ZFPM1: variants seen among roughly 807,000 people sequenced by gnomAD.
The protein encoded by ZFPM1 is zinc finger protein, FOG family member 1, also known as zinc finger protein ZFPM1.
Under a neutral mutation model 46.3 loss-of-function variants are expected in ZFPM1, and 28 were observed. The ratio of observed to expected loss-of-function variants is 0.60; its 90% CI spans 0.45 to 0.83. The LOEUF (loss-of-function observed/expected upper bound fraction) is 0.83. Ranked by LOEUF, ZFPM1 falls within the 40% of genes least tolerant of loss-of-function variation. The pLI is 0.00. For synonymous variants in ZFPM1, 957 were observed against 675.9 expected (o/e 1.42, Z -6.45); for missense variants, 1,878 against 1,432.4 (o/e 1.31, Z -5.02).
At chr16:88,501,384 C>CA (rs1302648454) in intron 3 of ZFPM1, among the ~76,000 whole-genome samples, 10 of 65,280 alleles carry the variant, frequency 1.5e-4, no homozygotes, top group African/African-American at 4.2e-4. Context: ...GACATGGGTG[C>CA]GGGGCCCTCC....
intron 3 of ZFPM1, among the ~76,000 whole-genome samples, chr16:88,496,028 G>A (rs1388880561): frequency 1.3e-5 from 2 of 152,160 alleles, no homozygotes; most frequent in Non-Finnish European, 2.9e-5. Context: ...CTGAGCCTGG[G>A]CTCCATGTGG....
chr16:88,488,669 G>A (rs529601781), intron 2 of ZFPM1, among the ~76,000 whole-genome samples: 2 of 152,300 alleles, frequency 1.3e-5, no homozygotes, highest in African/African-American at 2.4e-5. Context: ...GGCTGGAATC[G>A]GTGCAGGGCC....
Position 88,491,681 on chromosome 16 carries a change from T to A in ZFPM1, c.268+2528T>A, listed in dbSNP as rs112007391. Among the ~76,000 whole-genome samples the A allele has an allele frequency of 1.5e-3, 235 of 152,272 alleles. 1 individual carries two copies. Among genetic ancestry groups the A allele is most frequent in the African/African-American group, 5.5e-3 (227 of 41,552 alleles). ...CCGGGCCCCTGAGGCCGGCCGTGGT[T>A]TGGGGCTGGGGCACACCCCCGAGCT... On this transcript the variant is annotated intron_variant, in intron 3 of 9. Coordinates refer to ENST00000319555, the MANE Select transcript of ZFPM1 (RefSeq NM_153813.3).
chr16:88,529,499 C>T (rs763205651), intron 6 of ZFPM1, among the ~76,000 whole-genome samples: 3 of 152,206 alleles, frequency 2.0e-5, no homozygotes, highest in Admixed American at 6.5e-5. Context: ...AGCAGACCCC[C>T]ACTCTTTGAG....
At chr16:88,481,942 C>T (rs918023851) in intron 1 of ZFPM1, among the ~76,000 whole-genome samples, 1 of 152,154 alleles carries the variant, frequency 6.6e-6, no homozygotes, top group Non-Finnish European at 1.5e-5. Context: ...TCTGAGGACG[C>T]GGGCAGGCTG....
rs745508982 is a variant in ZFPM1 at position 88,532,610 on chromosome 16, C to T, written c.947-4C>T. The T allele has an allele frequency of 6.4e-7, 1 of 1,561,488 alleles. No homozygotes were observed. The highest frequency in any genetic ancestry group is 8.7e-7 in the Non-Finnish European group (1 of 1,152,632). On this transcript the variant is annotated splice_polypyrimidine_tract_variant and splice_region_variant and intron_variant, in intron 7 of 9. Transcript: ENST00000319555. ...GCACCGCTCTTACGCGCCCTGTGTT[C>T]CAGGAGAGCGGCCCTTCGTGTGCCT...
intron 3 of ZFPM1, among the ~76,000 whole-genome samples, chr16:88,510,934 G>T (rs960625948): frequency 1.3e-5 from 2 of 152,196 alleles, no homozygotes; most frequent in East Asian, 3.8e-4. Context: ...CGTGGGGCAG[G>T]TACTCAGTTG....
intron 6 of ZFPM1, among the ~76,000 whole-genome samples, chr16:88,530,271 C>G (rs1474136253): frequency 6.6e-6 from 1 of 152,174 alleles, no homozygotes; most frequent in Non-Finnish European, 1.5e-5. Flanking sequence ...GCCCACACAG[C>G]CTGCGGAGAC....
rs1242746665 is a variant in ZFPM1 at position 88,534,241 on chromosome 16, C to T, written c.2283C>T (p.Gly761=). The T allele has an allele frequency of 6.4e-5, 64 of 1,000,974 alleles. No individual in the cohort carries two copies. In the East Asian group the frequency reaches 3.4e-3, roughly 53 times the overall value. The allele number at this position is 1,000,974 out of a possible 1,614,324, so 62.0% of individuals were successfully genotyped here. ...GCGCCCCGCCCCCCCCGCCGCCCGGCCACGCCCCCGCGCCCGAGTCGCCGC... is the reference window on the plus strand; with the variant it reads ...GCGCCCCGCCCCCCCCGCCGCCCGGTCACGCCCCCGCGCCCGAGTCGCCGC... The part of the protein sequence containing the change: ...AAGAPPPPPP[G]HAPAPESPRP... Residue 761 remains glycine, a synonymous_variant, in exon 10 of 10, where the codon GGC becomes GGT. Transcript: ENST00000319555.
At position 88,533,646 on chromosome 16, in the gene ZFPM1, G is replaced by A. The variant is rs1188906333; in HGVS notation, c.1688G>A (p.Gly563Asp). The A allele has an allele frequency of 2.0e-6, 3 of 1,466,344 alleles. No individual in the cohort carries two copies. The highest frequency in any genetic ancestry group is 2.7e-6 in the Non-Finnish European group (3 of 1,106,664). The allele number at this position is 1,466,344 out of a possible 1,614,324, so 90.8% of individuals were successfully genotyped here. Residue 563 changes from glycine to aspartate, a missense_variant, in exon 10 of 10, where the codon GGC becomes GAC. Transcript: ENST00000319555. ...CAGCAGGGCGCGGGCGCGGGCGCCG[G>A]CGGCGCGCAGACCGGGCTCTTCCCC... ...RLQQGAGAGA[G>D]GAQTGLFPGA... is the part of the protein sequence containing the mutation.
intron 4 of ZFPM1, among the ~76,000 whole-genome samples, chr16:88,521,439 G>A (rs929077997): frequency 6.6e-6 from 1 of 151,834 alleles, no homozygotes; most frequent in Non-Finnish European, 1.5e-5. Flanking sequence ...CCATCCCCAG[G>A]TGAGAAAGCC....
intron 5 of ZFPM1, 38 bp downstream of exon 5, chr16:88,526,954 G>A (rs1268637408): frequency 6.5e-7 from 1 of 1,534,848 alleles, no homozygotes; most frequent in Non-Finnish European, 8.8e-7. Flanking sequence ...AAGCCTTCCG[G>A]AAGGTGGGGG....
At position 88,532,177 on chromosome 16, in the gene ZFPM1, G is replaced by A. The variant is rs776242064; in HGVS notation, c.888G>A (p.Gln296=). ...ACGAGCGCGTCTGCCCCTTCCCCCAGTGCCGCAAGAGCTGCCCCAGCGCCA... is the reference window on the plus strand; with the variant it reads ...ACGAGCGCGTCTGCCCCTTCCCCCAATGCCGCAAGAGCTGCCCCAGCGCCA... ...YPNERVCPFP[Q]CRKSCPSASS... is the part of the protein sequence containing the mutation. Residue 296 remains glutamine (Q), a synonymous_variant, in exon 7 of 10, where the codon CAG becomes CAA. Coordinates refer to ENST00000319555, the MANE Select transcript of ZFPM1 (RefSeq NM_153813.3). 6 of 1,611,656 alleles carry A rather than the reference G, an allele frequency of 3.7e-6. No individual in the cohort carries two copies. The South Asian group carries it at 6.6e-5, about 18-fold the overall frequency.
intron 4 of ZFPM1, among the ~76,000 whole-genome samples, chr16:88,519,166 T>C (rs1235431672): frequency 2.9e-4 from 29 of 98,768 alleles, no homozygotes; most frequent in Non-Finnish European, 5.1e-4. Flanking sequence ...GGTGGATGCA[T>C]GGGTGGGTGG....
chr16:88,524,749 C>T (rs968845467), intron 4 of ZFPM1, among the ~76,000 whole-genome samples: 9 of 152,248 alleles, frequency 5.9e-5, no homozygotes, highest in South Asian at 2.1e-4. Flanking sequence ...CTGAGACTGC[C>T]CCAAAGGCTA....
chr16:88,525,305 G>A (rs1433513426), intron 4 of ZFPM1, among the ~76,000 whole-genome samples: 1 of 152,206 alleles, frequency 6.6e-6, no homozygotes, highest in Non-Finnish European at 1.5e-5. Context: ...CTAGTGGGGA[G>A]GTACCCCAGA....
At chr16:88,484,011 C>T (rs1038476922) in intron 1 of ZFPM1, among the ~76,000 whole-genome samples, 54 of 152,334 alleles carry the variant, frequency 3.5e-4, no homozygotes, top group African/African-American at 1.2e-3. Flanking sequence ...GCGGGTGGCA[C>T]GTTTCTTACT....
rs1057153520 is a variant in ZFPM1, at chr16:88,461,274, C to T, written c.40+7596C>T. Among the ~76,000 whole-genome samples the T allele has an allele frequency of 6.3e-5, 9 of 142,376 alleles. 1 individual carries two copies. Among genetic ancestry groups the T allele is most frequent in the Admixed American group, 2.8e-4 (4 of 14,300 alleles). 93.4% of individuals were successfully genotyped at this position (142,376 alleles called of 152,430 possible). ...AGGCCCTGGTGAGGACCGACGGGTGCGAGGCCTGGTGAGGACCAGGATGCT... is the reference window on the plus strand; with the variant it reads ...AGGCCCTGGTGAGGACCGACGGGTGTGAGGCCTGGTGAGGACCAGGATGCT... On this transcript the variant is annotated intron_variant, in intron 1 of 9. Transcript: ENST00000319555.
chr16:88,492,185 T>TTCTCTC (rs368297743), intron 3 of ZFPM1, among the ~76,000 whole-genome samples: 2 of 149,334 alleles, frequency 1.3e-5, no homozygotes, highest in African/African-American at 4.9e-5. Flanking sequence ...CTGCCTCTCT[T>TTCTCTC]TCTCTCTCTC....
Sources: allele counts gnomAD v4.1 joint callset (sites outside exome capture counted in the v4.1 genomes callset), GRCh38; gene constraint gnomAD v4.1.1; transcripts MANE v1.5; gene names NCBI Gene and HGNC (gene_info 2026-07-23, HGNC 2026-07-21).